DENND2B: variants seen among roughly 807,000 people sequenced by gnomAD.
DENND2B encodes DENN domain-containing protein 2B.
A neutral mutation model predicts 116.0 loss-of-function variants in DENND2B; 32 were observed. The ratio of observed to expected loss-of-function variants is 0.28; its 90% CI spans 0.21 to 0.37. The LOEUF (loss-of-function observed/expected upper bound fraction) is 0.37. DENND2B is among the 10% of genes least tolerant of loss of function. The pLI, the probability that DENND2B is intolerant of heterozygous loss-of-function variation, is 1.00. For synonymous variants in DENND2B, 588 were observed against 583.9 expected (o/e 1.01, Z -0.10); for missense variants, 1,276 against 1,477.7 (o/e 0.86, Z 2.24).
rs530281197 is a variant in DENND2B at position 8,778,770 on chromosome 11, C to A, written c.-25-28045G>T. ...TTCCCTGGAGGGCACACCCTGAACA[C>A]CTGATTCTGTCACCTGCCTAAATGC... On this transcript the variant is annotated intron_variant, in intron 1 of 19. Transcript: ENST00000313726. 2.6e-5 allele frequency among the ~76,000 whole-genome samples: 4 copies of A among 152,348 alleles called. No homozygotes were observed. In the East Asian group the frequency reaches 7.7e-4, roughly 29 times the overall value.
At chr11:8,831,296 T>C (rs2062195484) in intron 4 of DENND2B, among the ~76,000 whole-genome samples, 1 of 152,100 alleles carries the variant, frequency 6.6e-6, no homozygotes, top group South Asian at 2.1e-4. Context: ...GAGGAAAGCA[T>C]TCCTGGCCAT....
At chr11:8,711,891 CA>C (rs1338052701) in intron 9 of DENND2B, 1 of 398,654 alleles carries the variant, frequency 2.5e-6, no homozygotes, top group Non-Finnish European at 5.1e-6. Flanking sequence ...AAATAATAAG[CA>C]GGGTTATGTA....
chr11:8,749,111 C>T (rs2051854645), intron 2 of DENND2B, among the ~76,000 whole-genome samples: 1 of 152,190 alleles, frequency 6.6e-6, no homozygotes, highest in African/African-American at 2.4e-5. Context: ...GTTTTCAGCC[C>T]CATCTGCCAG....
chr11:8,703,796 T>C (rs1337460856), intron 13 of DENND2B, among the ~76,000 whole-genome samples: 3 of 152,292 alleles, frequency 2.0e-5, no homozygotes, highest in African/African-American at 7.2e-5. Flanking sequence ...GCACAGGGCA[T>C]GGTAACGGTC....
At chr11:8,903,578 T>C (rs1426023016) in intron 1 of DENND2B, among the ~76,000 whole-genome samples, 3 of 151,674 alleles carry the variant, frequency 2.0e-5, no homozygotes, top group South Asian at 4.2e-4. Context: ...TAGCTTTTTG[T>C]CAACAAATTA....
chr11:8,781,660 C>A (rs1025972912), intron 1 of DENND2B, among the ~76,000 whole-genome samples: 2 of 151,260 alleles, frequency 1.3e-5, no homozygotes, highest in Non-Finnish European at 2.9e-5. Flanking sequence ...ACAAGGATAA[C>A]CTATACAAAG....
At chr11:8,709,741 A>G (rs2043262202) in intron 11 of DENND2B, among the ~76,000 whole-genome samples, 2 of 152,200 alleles carry the variant, frequency 1.3e-5, no homozygotes, top group Admixed American at 1.3e-4. Flanking sequence ...TTTCCAATCT[A>G]TGGATCAGGG....
intron 5 of DENND2B, among the ~76,000 whole-genome samples, chr11:8,716,650 CT>C (rs5789583): frequency 0.44 from 63,095 of 144,816 alleles, 13,344 homozygotes; most frequent in African/African-American, 0.51. Flanking sequence ...GAGGGTAAAT[CT>C]TTTTTTTTTT....
chr11:8,857,082 T>C (rs973341810), intron 3 of DENND2B, among the ~76,000 whole-genome samples: 1 of 152,180 alleles, frequency 6.6e-6, no homozygotes, highest in Non-Finnish European at 1.5e-5. Context: ...AGTATAATGT[T>C]ATCTTGTATC....
At chr11:8,758,470 C>A (rs191720819) in intron 1 of DENND2B, among the ~76,000 whole-genome samples, 43 of 152,300 alleles carry the variant, frequency 2.8e-4, no homozygotes, top group African/African-American at 8.9e-4. Context: ...GATCCCTTTG[C>A]TTGCTTTCTC....
chr11:8,875,876 A>G (rs910503335), upstream of DENND2B, among the ~76,000 whole-genome samples: 1 of 152,258 alleles, frequency 6.6e-6, no homozygotes, highest in East Asian at 1.9e-4. Flanking sequence ...TGCAAAACCA[A>G]TATTCCTTCA....
chr11:8,895,199 T>C (rs1226364908), intron 1 of DENND2B, among the ~76,000 whole-genome samples: 3 of 149,264 alleles, frequency 2.0e-5, no homozygotes, highest in African/African-American at 7.5e-5. Context: ...AAGTGAACAA[T>C]GAGAACACTT....
intron 1 of DENND2B, among the ~76,000 whole-genome samples, chr11:8,798,113 C>T (rs1314744102): frequency 9.9e-5 from 15 of 152,210 alleles, no homozygotes; most frequent in African/African-American, 3.6e-4. Context: ...GCTCACAGCA[C>T]TATCTTGATC....
chr11:8,776,641 C>G (rs2134225445), intron 1 of DENND2B: 1 of 192,978 alleles, frequency 5.2e-6, no homozygotes, highest in South Asian at 1.1e-4. Flanking sequence ...AAGACTTCAA[C>G]CTTTCAAAGA....
intron 3 of DENND2B, among the ~76,000 whole-genome samples, chr11:8,852,745 T>C (rs2063054346): frequency 6.6e-6 from 1 of 152,224 alleles, no homozygotes; most frequent in Non-Finnish European, 1.5e-5. Flanking sequence ...ACAATTAAAC[T>C]ATTCTAGAAA....
chr11:8,701,658 G>A (rs1038759012), intron 14 of DENND2B, among the ~76,000 whole-genome samples: 8 of 152,008 alleles, frequency 5.3e-5, no homozygotes, highest in South Asian at 2.1e-4. Context: ...CATCGGAGCC[G>A]TATCACTTGT....
chr11:8,904,612 A>C (rs2064212359), intron 1 of DENND2B, among the ~76,000 whole-genome samples: 3 of 152,224 alleles, frequency 2.0e-5, no homozygotes, highest in Admixed American at 6.5e-5. Context: ...GATTGAAAAG[A>C]AAAAAGTTAG....
chr11:8,866,253 C>T lies in DENND2B; in HGVS notation c.-250+4701G>A, dbSNP rs930940377. ...GGATTACAGGCGTGAGCCACCGCACCCGACCTGCAGTCCTATTTTTCTAAG... is the reference window on the plus strand; with the variant it reads ...GGATTACAGGCGTGAGCCACCGCACTCGACCTGCAGTCCTATTTTTCTAAG... On this transcript the variant is annotated intron_variant, in intron 2 of 6. Transcript: ENST00000524757. Among the ~76,000 whole-genome samples, 19 of 152,360 alleles carry T rather than the reference C, an allele frequency of 1.2e-4. 1 individual carries two copies. Among genetic ancestry groups the T allele is most frequent in the African/African-American group, 3.8e-4 (16 of 41,590 alleles).
chr11:8,699,437 A>G, intron 14 of DENND2B, 47 bp from the exon 15 acceptor site: 3 of 1,535,984 alleles, frequency 2.0e-6, no homozygotes, highest in Non-Finnish European at 2.6e-6. Flanking sequence ...AGGCCCAGGA[A>G]CTTAGAGCTC....
Sources: gnomAD v4.1 joint callset for allele counts (sites outside exome capture counted in the v4.1 genomes callset) on GRCh38, gnomAD v4.1.1 for gene constraint, MANE v1.5 for transcripts, NCBI Gene and HGNC (gene_info 2026-07-23, HGNC 2026-07-21) for gene names.